The following KLHDC1 variants were observed in gnomAD, a reference collection of about 807,000 sequenced individuals.
KLHDC1 encodes kelch domain containing 1.
In KLHDC1, 53 loss-of-function variants were observed where a neutral mutation model predicts 68.3. That is an observed-to-expected ratio of 0.78 (90% CI 0.62 to 0.98). KLHDC1 has a LOEUF of 0.98. Ranked by LOEUF, KLHDC1 falls within the 50% of genes least tolerant of loss-of-function variation. The pLI is 0.00. For synonymous variants in KLHDC1, 148 were observed against 159.0 expected (o/e 0.93, Z 0.52); for missense variants, 470 against 492.3 (o/e 0.95, Z 0.43).
chr14:49,705,180 A>G (rs993930137), intron 1 of KLHDC1, among the ~76,000 whole-genome samples: 2 of 152,068 alleles, frequency 1.3e-5, no homozygotes, highest in African/African-American at 4.8e-5. Context: ...CATAGCAAGG[A>G]ACTAGGAGAT....
intron 1 of KLHDC1, among the ~76,000 whole-genome samples, chr14:49,699,646 A>G (rs1006430753): frequency 6.6e-6 from 1 of 152,190 alleles, no homozygotes; most frequent in Admixed American, 6.5e-5. Flanking sequence ...ATGGACAAAC[A>G]TATGTTCTAA....
chr14:49,704,654 C>G (rs1436545566), intron 1 of KLHDC1, among the ~76,000 whole-genome samples: 1 of 151,998 alleles, frequency 6.6e-6, no homozygotes, highest in Non-Finnish European at 1.5e-5. Flanking sequence ...CCTCGGCCTC[C>G]CAAAGTGCTG....
intron 12 of KLHDC1, among the ~76,000 whole-genome samples, chr14:49,745,896 T>C (rs779358875): frequency 2.6e-5 from 4 of 152,140 alleles, no homozygotes; most frequent in Admixed American, 6.6e-5. Context: ...AGCAAGAGAA[T>C]AAGATGATCA....
chr14:49,750,093 A>G (rs1169301347), intron 12 of KLHDC1, among the ~76,000 whole-genome samples: 3 of 152,144 alleles, frequency 2.0e-5, no homozygotes, highest in Non-Finnish European at 2.9e-5. Flanking sequence ...ATATTCTTAT[A>G]TATTACTATG....
intron 4 of KLHDC1, among the ~76,000 whole-genome samples, chr14:49,718,664 G>C (rs1888439889): frequency 1.3e-5 from 2 of 150,928 alleles, no homozygotes; most frequent in African/African-American, 4.9e-5. Context: ...ATTTGAATCT[G>C]CTCTCTTTTT....
At chr14:49,706,032 A>G (rs1259482716) in intron 1 of KLHDC1, among the ~76,000 whole-genome samples, 1 of 152,152 alleles carries the variant, frequency 6.6e-6, no homozygotes, top group African/African-American at 2.4e-5. Flanking sequence ...ATGTACAATT[A>G]TTATTGACTA....
intron 1 of KLHDC1, among the ~76,000 whole-genome samples, chr14:49,701,016 G>A (rs1037950602): frequency 7.2e-5 from 11 of 152,020 alleles, no homozygotes; most frequent in Admixed American, 2.0e-4. Flanking sequence ...TTGGGAGGCA[G>A]AGGTTGCATG....
intron 4 of KLHDC1, among the ~76,000 whole-genome samples, chr14:49,722,123 CT>C (rs35374967): frequency 1.3e-5 from 2 of 152,006 alleles, no homozygotes; most frequent in East Asian, 3.9e-4. Flanking sequence ...GCTGGGTTTC[CT>C]TTTTTTTGTT....
intron 1 of KLHDC1, among the ~76,000 whole-genome samples, chr14:49,700,753 T>C (rs1015996595): frequency 2.0e-5 from 3 of 152,184 alleles, no homozygotes; most frequent in Non-Finnish European, 4.4e-5. Flanking sequence ...GTTGACTTGA[T>C]GCAAGTAGAG....
intron 1 of KLHDC1, among the ~76,000 whole-genome samples, chr14:49,697,934 G>A (rs1228041965): frequency 6.6e-6 from 1 of 152,172 alleles, no homozygotes; most frequent in Non-Finnish European, 1.5e-5. Flanking sequence ...CAACAGACGT[G>A]TATAGGATTT....
intron 4 of KLHDC1, among the ~76,000 whole-genome samples, chr14:49,715,095 G>A (rs963973730): frequency 2.1e-5 from 3 of 145,712 alleles, no homozygotes; most frequent in Non-Finnish European, 3.0e-5. Context: ...ATTATATTAA[G>A]TGTATATATA....
At chr14:49,705,599 G>C (rs1345036488) in intron 1 of KLHDC1, among the ~76,000 whole-genome samples, 1 of 151,654 alleles carries the variant, frequency 6.6e-6, no homozygotes, top group Non-Finnish European at 1.5e-5. Flanking sequence ...TCGAACTCCT[G>C]ACCTTGTGAT....
chr14:49,714,859 C>CTA (rs33930285), intron 4 of KLHDC1, among the ~76,000 whole-genome samples: 139,648 of 147,190 alleles, frequency 0.95, 66,673 homozygotes, highest in South Asian at 1. Context: ...TAAAATATGT[C>CTA]TTTATATATT....
At chr14:49,712,857 C>T (rs552536208) in intron 4 of KLHDC1, among the ~76,000 whole-genome samples, 1 of 151,768 alleles carries the variant, frequency 6.6e-6, no homozygotes, top group Admixed American at 6.6e-5. Flanking sequence ...TCAGCCTGGC[C>T]TTGAACTCCT....
At chr14:49,702,941 C>G (rs1055697430) in intron 1 of KLHDC1, among the ~76,000 whole-genome samples, 3 of 152,216 alleles carry the variant, frequency 2.0e-5, no homozygotes, top group Admixed American at 6.5e-5. Flanking sequence ...CACAGACCTG[C>G]TCTCTTGGCA....
intron 10 of KLHDC1, among the ~76,000 whole-genome samples, chr14:49,738,982 A>T (rs990069418): frequency 6.6e-6 from 1 of 152,212 alleles, no homozygotes; most frequent in African/African-American, 2.4e-5. Context: ...AGGACCTCAT[A>T]ATCTTAGTTA....
In KLHDC1 at chr14:49,732,733, A is replaced by T. The variant is rs957571309; in HGVS notation, c.740A>T (p.His247Leu). 6 of 1,607,248 alleles carry T rather than the reference A, an allele frequency of 3.7e-6. No individual in the cohort carries two copies. The African/African-American group carries it at 6.7e-5, about 18-fold the overall frequency. The change falls in exon 9 of 13, where the codon CAT becomes CTT. Residue 247 changes from histidine (H) to leucine (L), a missense_variant. Coordinates refer to ENST00000359332, the MANE Select transcript of KLHDC1 (RefSeq NM_172193.3). ...ACTATTAATGGAGAAAGCCCAAAAC[A>T]TCGGTCATGGCATACTTTAACACCT... ...RITINGESPK[H>L]RSWHTLTPIA...
chr14:49,695,939 G>C (rs1037613230), intron 1 of KLHDC1, among the ~76,000 whole-genome samples: 1 of 151,954 alleles, frequency 6.6e-6, no homozygotes, highest in Non-Finnish European at 1.5e-5. Flanking sequence ...GGTGGCAGGC[G>C]CCTATAGTCT....
intron 11 of KLHDC1, among the ~76,000 whole-genome samples, chr14:49,742,082 T>C (rs1355434790): frequency 2.0e-5 from 3 of 152,202 alleles, no homozygotes; most frequent in African/African-American, 7.2e-5. Context: ...AGAGCTTTCT[T>C]TGGCTGAGAA....
Sources: allele counts gnomAD v4.1 joint callset (sites outside exome capture counted in the v4.1 genomes callset), GRCh38; gene constraint gnomAD v4.1.1; transcripts MANE v1.5; gene names NCBI Gene and HGNC (gene_info 2026-07-23, HGNC 2026-07-21).